The following BANK1 variants were observed in gnomAD, a reference collection of about 807,000 sequenced individuals.
BANK1 encodes B cell scaffold protein with ankyrin repeats 1.
BANK1 carries 95 observed loss-of-function variants against 94.5 expected under a neutral mutation model. The observed-to-expected ratio is 1.00, with a 90% CI of 0.85 to 1.19. BANK1 has a LOEUF of 1.19. Ranked by LOEUF, BANK1 falls within the 50% of genes most tolerant of loss-of-function variation. The pLI, the probability that BANK1 is intolerant of heterozygous loss-of-function variation, is 0.00. For missense variants in BANK1, 987 were observed against 932.2 expected, an observed-to-expected ratio of 1.06 and a Z score of -0.77; for synonymous variants, 334 against 308.4, an observed-to-expected ratio of 1.08 and a Z score of -0.87.
intron 7 of BANK1, among the ~76,000 whole-genome samples, chr4:101,927,101 TTA>T (rs1447372773): frequency 6.6e-6 from 1 of 151,678 alleles, no homozygotes; most frequent in Non-Finnish European, 1.5e-5. Flanking sequence ...ACTGGGTAAT[TTA>T]TAAAGAAAAG....
At chr4:101,854,934 C>T (rs1027899997) in intron 2 of BANK1, 101 bp from the exon 3 acceptor site, 39 of 846,256 alleles carry the variant, frequency 4.6e-5, no homozygotes, top group Middle Eastern at 3.5e-4. Context: ...TTCGGTTTCC[C>T]GTATATTAAA....
At chr4:101,881,861 A>G (rs2148885781) in intron 5 of BANK1, among the ~76,000 whole-genome samples, 1 of 151,898 alleles carries the variant, frequency 6.6e-6, no homozygotes, top group Middle Eastern at 3.4e-3. Flanking sequence ...TGTTGATTTA[A>G]TAGTCAAAAC....
At chr4:101,862,007 A>G (rs911940661) in intron 3 of BANK1, among the ~76,000 whole-genome samples, 1 of 152,098 alleles carries the variant, frequency 6.6e-6, no homozygotes, top group East Asian at 1.9e-4. Context: ...TGGCCACTGA[A>G]CTTCTACTAC....
chr4:102,007,113 A>ATT lies in BANK1; in HGVS notation c.1207-14400_1207-14399insTT, dbSNP rs796343353. ...ATATAATATATTTATATATATATAA[A>ATT]TATATATTTTATATATATATAAAAA... is the stretch of plus-strand genomic sequence containing the variant. On this transcript the variant is annotated intron_variant, in intron 7 of 16. Coordinates refer to ENST00000322953, the MANE Select transcript of BANK1 (RefSeq NM_017935.5). 4.7e-4 allele frequency among the ~76,000 whole-genome samples: 44 copies of ATT among 93,462 alleles called. 1 individual carries two copies. Among genetic ancestry groups the ATT allele is most frequent in the South Asian group, 7.9e-4 (3 of 3,814 alleles). 61.3% of individuals were successfully genotyped at this position (93,462 alleles called of 152,430 possible).
intron 1 of BANK1, among the ~76,000 whole-genome samples, chr4:101,826,059 T>C (rs11937944): frequency 1.2e-4 from 18 of 152,054 alleles, no homozygotes; most frequent in African/African-American, 4.3e-4. Context: ...TGATTTAAAT[T>C]ATAGAGTCAA....
intron 1 of BANK1, among the ~76,000 whole-genome samples, chr4:101,819,788 A>G (rs958343322): frequency 6.6e-6 from 1 of 152,170 alleles, no homozygotes; most frequent in Non-Finnish European, 1.5e-5. Flanking sequence ...TCTTAATGCT[A>G]GCGAAGGGAA....
At chr4:102,004,001 A>G (rs1726165905) in intron 7 of BANK1, among the ~76,000 whole-genome samples, 1 of 151,814 alleles carries the variant, frequency 6.6e-6, no homozygotes, top group Non-Finnish European at 1.5e-5. Context: ...ATATATGTAT[A>G]TATAACCTAT....
At position 101,829,846 on chromosome 4, in the gene BANK1, G is replaced by T. The variant is rs780077100; in HGVS notation, c.109G>T (p.Ala37Ser). ...TATAATAATGATATATGAAGAAGAT[G>T]CTGAGGAATGGGCTCTGTACTTGAC... Reference protein sequence around the residue: ...KDIIMIYEEDAEEWALYLTEV... With the variant: ...KDIIMIYEEDSEEWALYLTEV... Residue 37 changes from alanine (A) to serine (S), a missense_variant, in exon 2 of 17, where the codon GCT (alanine) becomes TCT (serine). Physicochemically the swap from Ala to Ser is moderately conservative, Grantham distance 99. Transcript: ENST00000322953. The T allele has an allele frequency of 5.1e-6, 8 of 1,579,892 alleles. No homozygotes were observed. The South Asian group carries it at 9.4e-5, about 18-fold the overall frequency.
intron 5 of BANK1, among the ~76,000 whole-genome samples, chr4:101,886,349 G>C (rs1396381620): frequency 6.6e-6 from 1 of 152,126 alleles, no homozygotes; most frequent in Non-Finnish European, 1.5e-5. Flanking sequence ...GGCAAAGAAG[G>C]GAAGGGCCAG....
chr4:102,063,749 A>G (rs1165329996), intron 13 of BANK1, among the ~76,000 whole-genome samples: 1 of 151,462 alleles, frequency 6.6e-6, no homozygotes, highest in African/African-American at 2.4e-5. Flanking sequence ...CCCGGAAGGC[A>G]CAGAGATTGC....
intron 7 of BANK1, among the ~76,000 whole-genome samples, chr4:102,014,538 CTA>C (rs1054837066): frequency 2.0e-5 from 3 of 152,128 alleles, no homozygotes; most frequent in Non-Finnish European, 4.4e-5. Flanking sequence ...AGTTTACTCT[CTA>C]TTGCACTATT....
intron 7 of BANK1, among the ~76,000 whole-genome samples, chr4:101,944,926 A>T (rs1723880022): frequency 6.6e-6 from 1 of 152,000 alleles, no homozygotes; most frequent in Non-Finnish European, 1.5e-5. Context: ...ACCAAACAGA[A>T]GCAAGTGTGT....
At chr4:101,865,994 T>A (rs1260015769) in intron 4 of BANK1, among the ~76,000 whole-genome samples, 2 of 152,108 alleles carry the variant, frequency 1.3e-5, no homozygotes, top group African/African-American at 2.4e-5. Flanking sequence ...ACAGGAGTAT[T>A]TACCTTACAT....
intron 2 of BANK1, among the ~76,000 whole-genome samples, chr4:101,850,592 C>CT (rs549597392): frequency 1.9e-4 from 29 of 152,098 alleles, no homozygotes; most frequent in Non-Finnish European, 3.8e-4. Context: ...CTGTGCTTTG[C>CT]TTTTTTGTGC....
chr4:101,936,240 A>C (rs1455336357), intron 7 of BANK1, among the ~76,000 whole-genome samples: 2 of 135,282 alleles, frequency 1.5e-5, no homozygotes, highest in East Asian at 5.4e-4. Flanking sequence ...TATGATATGT[A>C]TACATATATG....
intron 7 of BANK1, among the ~76,000 whole-genome samples, chr4:101,943,587 G>A (rs1187929801): frequency 1.3e-5 from 2 of 151,790 alleles, no homozygotes; most frequent in African/African-American, 4.8e-5. Context: ...GAGGAGATCT[G>A]AGGGAGAAAT....
chr4:101,810,306 T>C (rs1002358397), intron 1 of BANK1, among the ~76,000 whole-genome samples: 1 of 152,250 alleles, frequency 6.6e-6, no homozygotes, highest in African/African-American at 2.4e-5. Context: ...TGTGTTGCTT[T>C]AAACCCACTA....
At chr4:101,877,321 A>C (rs1728527841) in intron 5 of BANK1, among the ~76,000 whole-genome samples, 1 of 152,196 alleles carries the variant, frequency 6.6e-6, no homozygotes. Flanking sequence ...TGTGAGCAAT[A>C]AGAAAGCATC....
At chr4:101,936,258 T>C (rs906251605) in intron 7 of BANK1, among the ~76,000 whole-genome samples, 3 of 149,958 alleles carry the variant, frequency 2.0e-5, no homozygotes, top group Non-Finnish European at 3.0e-5. Context: ...ATGACACACA[T>C]ACATGTATGC....
Sources: gnomAD v4.1 joint callset for allele counts (sites outside exome capture counted in the v4.1 genomes callset) on GRCh38, gnomAD v4.1.1 for gene constraint, MANE v1.5 for transcripts, NCBI Gene and HGNC (gene_info 2026-07-23, HGNC 2026-07-21) for gene names.